The following MMD2 variants were observed in gnomAD, a reference collection of about 807,000 sequenced individuals.
MMD2 encodes the protein monocyte to macrophage differentiation associated 2, also known as monocyte to macrophage differentiation factor 2.
In MMD2, 30 loss-of-function variants were observed where a neutral mutation model predicts 33.5. The ratio of observed to expected loss-of-function variants is 0.90; its 90% CI spans 0.67 to 1.22. The LOEUF is 1.22. MMD2 is among the 50% of genes most tolerant of loss of function. MMD2 has a pLI of 0.00. For synonymous variants in MMD2, 129 were observed against 123.0 expected, an observed-to-expected ratio of 1.05 and a Z score of -0.32; for missense variants, 364 against 325.4, an observed-to-expected ratio of 1.12 and a Z score of -0.91.
chr7:4,933,565 T>G (rs1329897435), intron 1 of MMD2, among the ~76,000 whole-genome samples: 2 of 151,356 alleles, frequency 1.3e-5, no homozygotes, highest in African/African-American at 4.9e-5. Context: ...TCCCTTCCTT[T>G]TTATTGCTGA....
chr7:4,931,643 T>C (rs1179095310), intron 1 of MMD2, among the ~76,000 whole-genome samples: 1 of 151,306 alleles, frequency 6.6e-6, no homozygotes, highest in East Asian at 2.0e-4. Flanking sequence ...TTGCTCAGGC[T>C]GGTCTCAAAC....
intron 1 of MMD2, among the ~76,000 whole-genome samples, chr7:4,944,756 TCTTC>T (rs1208988385): frequency 8.2e-5 from 11 of 134,308 alleles, no homozygotes; most frequent in African/African-American, 3.4e-4. Context: ...TTCTTCTTCT[TCTTC>T]TTTTTTTTTT....
At chr7:4,895,001 G>A in the MMD2 span, among the ~76,000 whole-genome samples, 7 of 152,086 alleles carry the variant, frequency 4.6e-5, no homozygotes, top group Admixed American at 1.3e-4. Context: ...TCATTTAAAC[G>A]TAGTCTCTGA....
intron 1 of MMD2, among the ~76,000 whole-genome samples, chr7:4,933,867 A>G (rs972590523): frequency 2.0e-5 from 3 of 151,624 alleles, no homozygotes; most frequent in African/African-American, 7.3e-5. Flanking sequence ...TCCTGGACTC[A>G]AGTGATCCTC....
chr7:4,931,047 C>T (rs977141728), intron 1 of MMD2, among the ~76,000 whole-genome samples: 2 of 152,142 alleles, frequency 1.3e-5, no homozygotes, highest in African/African-American at 4.8e-5. Context: ...GATGGGGTTT[C>T]ACCATGTTGG....
rs772134284 is a variant in MMD2 at position 4,909,943 on chromosome 7, G to T, written c.475C>A (p.Leu159Ile). 5.6e-6 allele frequency: 9 copies of T among 1,613,946 alleles called. 1 individual carries two copies. In the Admixed American group the frequency reaches 6.7e-5, roughly 12 times the overall value. The change falls in exon 6 of 7, where the codon CTT (leucine) becomes ATT (isoleucine). Residue 159 changes from leucine to isoleucine, a missense_variant. By Grantham distance (5) the Leu-to-Ile change is conservative. Transcript: ENST00000401401. ...ACGACGTAGCAGAGAAGCTCCACAA[G>T]CTTGTACCTGGCAGGAAGACAAGCC... ...YVFFFHERYK[L>I]VELLCYVVMG...
the MMD2 span, among the ~76,000 whole-genome samples, chr7:4,900,347 C>T: frequency 9.8e-3 from 1,496 of 152,068 alleles, 13 homozygotes; most frequent in African/African-American, 0.032. Flanking sequence ...AATGTGTGCA[C>T]GTTCATAAGT....
intron 1 of MMD2, among the ~76,000 whole-genome samples, chr7:4,950,728 TGA>T (rs1182724865): frequency 1.2e-4 from 15 of 130,348 alleles, no homozygotes; most frequent in Non-Finnish European, 2.4e-4. Context: ...TTTTTTTTTT[TGA>T]GATGGAGTCT....
chr7:4,934,972 G>A (rs997640852), intron 1 of MMD2, among the ~76,000 whole-genome samples: 1 of 152,178 alleles, frequency 6.6e-6, no homozygotes, highest in Non-Finnish European at 1.5e-5. Context: ...GATAACCTGA[G>A]ATCAGGAGTT....
intron 4 of MMD2, among the ~76,000 whole-genome samples, chr7:4,912,423 G>A (rs1324393001): frequency 2.0e-5 from 3 of 151,756 alleles, no homozygotes; most frequent in Non-Finnish European, 4.4e-5. Context: ...TGAGCCAGGC[G>A]TGGTGTCGGG....
intron 4 of MMD2, 27 bp from the exon 5 acceptor site, chr7:4,911,273 G>A (rs1354937273): frequency 5.8e-6 from 9 of 1,545,444 alleles, no homozygotes; most frequent in African/African-American, 1.4e-5. Flanking sequence ...CAAGGCCATG[G>A]CCCTGAGGGG....
In MMD2 at chr7:4,956,678, T is replaced by C. The variant is rs1052331231; in HGVS notation, c.47+2293A>G. 2.6e-5 allele frequency among the ~76,000 whole-genome samples: 4 copies of C among 152,292 alleles called. No individual in the cohort carries two copies. The East Asian group carries it at 7.7e-4, about 29-fold the overall frequency. ...CAAGTGTCCAAATCTAGAGACCATT[T>C]AGACCAGCTCTCATGACTTTACACA... On this transcript the variant is annotated intron_variant, in intron 1 of 6. Coordinates refer to ENST00000401401, the MANE Select transcript of MMD2 (RefSeq NM_198403.4).
Position 4,940,862 on chromosome 7 carries a change from C to G in MMD2, c.48-15330G>C, listed in dbSNP as rs1785888939. On this transcript the variant is annotated intron_variant, in intron 1 of 6. Coordinates refer to ENST00000401401, the MANE Select transcript of MMD2 (RefSeq NM_198403.4). The surrounding 1 kb of genome is among the most constrained non-coding windows in gnomAD (Gnocchi z 5.0). ...CGTGGCATCCCATGTGAACGGCCCC[C>G]TGGGCCTGGGGGTACTGACCCGACA... 1.3e-5 allele frequency among the ~76,000 whole-genome samples: 2 copies of G among 152,272 alleles called. No homozygotes were observed. The highest frequency in any genetic ancestry group is 4.1e-4 in the South Asian group (2 of 4,830).
chr7:4,903,854 G>A (rs1321864408), downstream of MMD2, among the ~76,000 whole-genome samples: 6 of 152,222 alleles, frequency 3.9e-5, no homozygotes, highest in African/African-American at 9.6e-5. Context: ...CGACAGCTCT[G>A]CTGGGTCACC....
chr7:4,925,442 C>T lies in MMD2; in HGVS notation c.129+9G>A. The T allele has an allele frequency of 2.0e-6, 3 of 1,532,614 alleles. No individual in the cohort carries two copies. Among genetic ancestry groups the T allele is most frequent in the Non-Finnish European group, 2.6e-6 (3 of 1,136,992 alleles). 94.9% of individuals were successfully genotyped at this position (1,532,614 alleles called of 1,614,324 possible). ...ATCTCAGCCCTGAGCCCCCCAAAAG[C>T]CAACTCACAGCATGGGTGGCACAGT... is the stretch of plus-strand genomic sequence containing the variant. On this transcript the variant is annotated intron_variant, in intron 2 of 6. Coordinates refer to ENST00000401401, the MANE Select transcript of MMD2 (RefSeq NM_198403.4).
At chr7:4,895,205 T>C in the MMD2 span, among the ~76,000 whole-genome samples, 1 of 151,286 alleles carries the variant, frequency 6.6e-6, no homozygotes, top group Admixed American at 6.6e-5. Flanking sequence ...GCCTCTTGAA[T>C]AGCTGGGATT....
intron 1 of MMD2, among the ~76,000 whole-genome samples, chr7:4,928,972 G>C (rs1273554588): frequency 6.6e-6 from 1 of 152,208 alleles, no homozygotes; most frequent in South Asian, 2.1e-4. Flanking sequence ...TGTGCTAGCT[G>C]TATGCTAGCA....
chr7:4,899,515 G>A, the MMD2 span, among the ~76,000 whole-genome samples: 4 of 151,888 alleles, frequency 2.6e-5, no homozygotes, highest in Non-Finnish European at 2.9e-5. Context: ...AGCCTCCCGC[G>A]TACCTGGGAT....
downstream of MMD2, among the ~76,000 whole-genome samples, chr7:4,903,626 G>A (rs1784823193): frequency 6.6e-6 from 1 of 152,220 alleles, no homozygotes; most frequent in South Asian, 2.1e-4. Context: ...TCCCAGGTGG[G>A]CACGCAGCCG....
Sources: allele counts gnomAD v4.1 joint callset (sites outside exome capture counted in the v4.1 genomes callset), GRCh38; gene constraint gnomAD v4.1.1; non-coding constraint Gnocchi (gnomAD v3.1); transcripts MANE v1.5; gene names NCBI Gene and HGNC (gene_info 2026-07-23, HGNC 2026-07-21).